Variants in RPS6KC1 observed in about 807,000 individuals in gnomAD.
The protein encoded by RPS6KC1 is inactive ribosomal protein S6 kinase delta-1.
A neutral mutation model predicts 103.8 loss-of-function variants in RPS6KC1; 54 were observed. The ratio of observed to expected loss-of-function variants is 0.52; its 90% CI spans 0.42 to 0.65. The LOEUF is 0.65. RPS6KC1 is among the 30% of genes least tolerant of loss of function. RPS6KC1 has a pLI of 0.00. For missense variants in RPS6KC1, 1,151 were observed against 1,253.8 expected, an observed-to-expected ratio of 0.92 and a Z score of 1.24; for synonymous variants, 439 against 438.7, an observed-to-expected ratio of 1.00 and a Z score of -0.01.
the RPS6KC1 span, among the ~76,000 whole-genome samples, chr1:213,460,099 G>A: frequency 1.3e-5 from 2 of 152,090 alleles, no homozygotes; most frequent in Non-Finnish European, 2.9e-5. Flanking sequence ...TCTATTAGGT[G>A]TGCTTGGTCC....
chr1:213,176,519 T>C (rs561449641), intron 8 of RPS6KC1, 27 bp downstream of exon 8: 5 of 1,456,890 alleles, frequency 3.4e-6, no homozygotes, highest in Non-Finnish European at 4.8e-6. Flanking sequence ...TCTTCAAGAG[T>C]TCAGTCATAA....
chr1:213,174,174 G>A (rs2091687661), intron 7 of RPS6KC1, among the ~76,000 whole-genome samples: 1 of 152,182 alleles, frequency 6.6e-6, no homozygotes, highest in African/African-American at 2.4e-5. Context: ...GTGTTGGTTA[G>A]TAAAAGGATT....
At chr1:213,504,528 G>A in the RPS6KC1 span, among the ~76,000 whole-genome samples, 1 of 152,042 alleles carries the variant, frequency 6.6e-6, no homozygotes, top group African/African-American at 2.4e-5. Flanking sequence ...CCTTTCCCTT[G>A]TGTTATTCTT....
chr1:213,202,795 G>C (rs2093212797), intron 8 of RPS6KC1, among the ~76,000 whole-genome samples: 1 of 151,836 alleles, frequency 6.6e-6, no homozygotes, highest in Non-Finnish European at 1.5e-5. Flanking sequence ...CATTTTAAAA[G>C]ACAAAAATAT....
At chr1:213,643,511 TGTACTTA>T in the RPS6KC1 span, among the ~76,000 whole-genome samples, 3 of 152,062 alleles carry the variant, frequency 2.0e-5, no homozygotes, top group East Asian at 5.8e-4. Flanking sequence ...TATTACTAAA[TGTACTTA>T]GGAGTTTCAG....
At chr1:213,209,695 C>CAAAAAA (rs60840755) in intron 8 of RPS6KC1, among the ~76,000 whole-genome samples, 1 of 54,128 alleles carries the variant, frequency 1.8e-5, no homozygotes, top group African/African-American at 6.9e-5. Flanking sequence ...AACTCCGTCT[C>CAAAAAA]AAAAAAAAAA....
At chr1:213,112,879 A>G (rs1453265177) in intron 4 of RPS6KC1, among the ~76,000 whole-genome samples, 1 of 152,176 alleles carries the variant, frequency 6.6e-6, no homozygotes, top group Admixed American at 6.5e-5. Flanking sequence ...CCGTGTCCCT[A>G]CAAAGGACAT....
chr1:213,658,840 T>C, the RPS6KC1 span, among the ~76,000 whole-genome samples: 53,496 of 152,156 alleles, frequency 0.35, 11,346 homozygotes, highest in Non-Finnish European at 0.48. Flanking sequence ...TTGCTTTTGT[T>C]CACTGAATTT....
chr1:213,542,367 C>A, the RPS6KC1 span, among the ~76,000 whole-genome samples: 1 of 152,176 alleles, frequency 6.6e-6, no homozygotes, highest in Non-Finnish European at 1.5e-5. Flanking sequence ...AGCAGAGTCC[C>A]CCTCCCGCTG....
the RPS6KC1 span, among the ~76,000 whole-genome samples, chr1:213,575,030 G>A: frequency 1.8e-4 from 27 of 152,222 alleles, no homozygotes; most frequent in Non-Finnish European, 3.4e-4. Flanking sequence ...GTGGTTGGGA[G>A]CATTACTGTA....
In RPS6KC1 at chr1:213,265,653, A is replaced by G. The variant is rs554253315; in HGVS notation, c.3090+2837A>G. On this transcript the variant is annotated intron_variant, in intron 14 of 14. Transcript: ENST00000366960. The stretch of plus-strand genomic sequence containing the variant: ...TTTCTCTTAACAAATCGTAGCAACT[A>G]CTAATATAAAAATTCTTTGAGCAAT... Among the ~76,000 whole-genome samples the G allele has an allele frequency of 1.3e-4, 20 of 152,354 alleles. 1 individual carries two copies. The highest frequency in any genetic ancestry group is 4.1e-4 in the African/African-American group (17 of 41,580).
chr1:213,458,471 T>C, the RPS6KC1 span, among the ~76,000 whole-genome samples: 1 of 152,200 alleles, frequency 6.6e-6, no homozygotes, highest in Non-Finnish European at 1.5e-5. Context: ...CACAAGTACA[T>C]GTGTCTTTTT....
At chr1:213,171,706 A>G (rs1165296083) in intron 7 of RPS6KC1, among the ~76,000 whole-genome samples, 1 of 152,194 alleles carries the variant, frequency 6.6e-6, no homozygotes, top group East Asian at 1.9e-4. Flanking sequence ...ATTAATTGAT[A>G]TTATTCCATT....
the RPS6KC1 span, among the ~76,000 whole-genome samples, chr1:213,512,373 C>CCTAA: frequency 6.6e-6 from 1 of 152,300 alleles, no homozygotes; most frequent in African/African-American, 2.4e-5. Context: ...AGAAATCAAC[C>CCTAA]TTTAGGAAAA....
At chr1:213,294,406 G>A in the RPS6KC1 span, among the ~76,000 whole-genome samples, 3 of 152,250 alleles carry the variant, frequency 2.0e-5, no homozygotes, top group South Asian at 2.1e-4. Context: ...TGGTTTGTTC[G>A]CTCCTCCAAA....
At chr1:213,204,047 CTCT>C (rs2093261298) in intron 8 of RPS6KC1, among the ~76,000 whole-genome samples, 1 of 152,162 alleles carries the variant, frequency 6.6e-6, no homozygotes, top group African/African-American at 2.4e-5. Context: ...TTAGACACCC[CTCT>C]TCTTTGTTCC....
chr1:213,516,676 T>G, the RPS6KC1 span, among the ~76,000 whole-genome samples: 31 of 152,322 alleles, frequency 2.0e-4, no homozygotes, highest in Admixed American at 8.5e-4. Flanking sequence ...ATCAGGGATA[T>G]TGGTCTAAAA....
chr1:213,359,962 C>T, the RPS6KC1 span, among the ~76,000 whole-genome samples: 17 of 151,836 alleles, frequency 1.1e-4, no homozygotes, highest in East Asian at 1.9e-4. Flanking sequence ...GTGGGTAACC[C>T]GACCTTTCTC....
the RPS6KC1 span, among the ~76,000 whole-genome samples, chr1:213,632,931 TGGAAGAAAG>T: frequency 6.6e-6 from 1 of 151,914 alleles, no homozygotes; most frequent in East Asian, 1.9e-4. Flanking sequence ...TTTGAACAAG[TGGAAGAAAG>T]GGTATCAGTG....
Sources: allele counts gnomAD v4.1 joint callset (sites outside exome capture counted in the v4.1 genomes callset), GRCh38; gene constraint gnomAD v4.1.1; transcripts MANE v1.5; gene names NCBI Gene and HGNC (gene_info 2026-07-23, HGNC 2026-07-21).